The following CHSY1 variants were observed in gnomAD, a reference collection of about 807,000 sequenced individuals.
CHSY1 encodes the protein chondroitin sulfate synthase 1, also known as N-acetylgalactosaminyl-proteoglycan 3-beta-glucuronosyltransferase 1.
Under a neutral mutation model 59.8 loss-of-function variants are expected in CHSY1, and 13 were observed. The observed-to-expected ratio is 0.22, with a 90% CI of 0.14 to 0.35. The LOEUF is 0.35. CHSY1 is among the 10% of genes least tolerant of loss of function. The pLI is 1.00. For missense variants in CHSY1, 947 were observed against 1,030.6 expected, an observed-to-expected ratio of 0.92 and a Z score of 1.11; for synonymous variants, 459 against 401.2, an observed-to-expected ratio of 1.14 and a Z score of -1.72.
chr15:101,205,603 T>C (rs1203095425), intron 2 of CHSY1, among the ~76,000 whole-genome samples: 1 of 152,224 alleles, frequency 6.6e-6, no homozygotes, highest in African/African-American at 2.4e-5. Context: ...CAGCCTGACA[T>C]TTAAACACAC....
rs116460243 is a variant in CHSY1 at position 101,222,507 on chromosome 15, T to C, written c.816+12575A>G. On this transcript the variant is annotated intron_variant, in intron 2 of 2. Transcript: ENST00000254190. The stretch of plus-strand genomic sequence containing the variant: ...ACACTATTACCTAGAGTGCAGACTT[T>C]ATTCAGATTTCACCAGTTTTCCCAC... Among the ~76,000 whole-genome samples, 417 of 152,322 alleles carry C rather than the reference T, an allele frequency of 2.7e-3. 2 individuals carry two copies. The highest frequency in any genetic ancestry group is 9.7e-3 in the African/African-American group (402 of 41,566).
intron 2 of CHSY1, among the ~76,000 whole-genome samples, chr15:101,212,477 G>A (rs1330402198): frequency 1.3e-5 from 2 of 152,214 alleles, no homozygotes; most frequent in African/African-American, 4.8e-5. Flanking sequence ...CTGTATGGAT[G>A]AGCCTCAGAA....
intron 2 of CHSY1, among the ~76,000 whole-genome samples, chr15:101,199,803 G>A (rs565107426): frequency 7.9e-5 from 12 of 152,228 alleles, no homozygotes; most frequent in African/African-American, 2.2e-4. Flanking sequence ...AGTCTACTTC[G>A]GTTTTGTGCA....
At chr15:101,203,082 A>G (rs932821663) in intron 2 of CHSY1, among the ~76,000 whole-genome samples, 1 of 152,258 alleles carries the variant, frequency 6.6e-6, no homozygotes, top group African/African-American at 2.4e-5. Context: ...TAAACAAACA[A>G]GAAAACAACC....
intron 1 of CHSY1, among the ~76,000 whole-genome samples, chr15:101,237,900 G>A (rs1023430245): frequency 1.3e-5 from 2 of 152,154 alleles, no homozygotes; most frequent in African/African-American, 4.8e-5. Context: ...TATTTTACCT[G>A]TTACAAGTGT....
intron 1 of CHSY1, among the ~76,000 whole-genome samples, chr15:101,242,217 GA>G (rs1270803520): frequency 3.9e-5 from 6 of 152,286 alleles, no homozygotes; most frequent in African/African-American, 1.2e-4. Context: ...GCAAGAAAAT[GA>G]GACCAAAGAA....
chr15:101,191,606 G>T (rs2038446320), intron 2 of CHSY1, among the ~76,000 whole-genome samples: 2 of 152,174 alleles, frequency 1.3e-5, no homozygotes, highest in Non-Finnish European at 2.9e-5. Context: ...TTCACCAATT[G>T]TAACAAAGGT....
intron 2 of CHSY1, among the ~76,000 whole-genome samples, chr15:101,225,669 G>A (rs1488114281): frequency 3.9e-5 from 6 of 152,118 alleles, no homozygotes; most frequent in Admixed American, 3.3e-4. Flanking sequence ...CTTCCACCAT[G>A]AGTAAAAGCT....
intron 1 of CHSY1, among the ~76,000 whole-genome samples, chr15:101,249,306 C>A (rs1454283070): frequency 3.3e-5 from 5 of 151,040 alleles, no homozygotes; most frequent in African/African-American, 4.9e-5. Context: ...TAGAGTCATG[C>A]GGATTTACTT....
At chr15:101,218,640 C>T (rs968889976) in intron 2 of CHSY1, among the ~76,000 whole-genome samples, 6 of 152,124 alleles carry the variant, frequency 3.9e-5, no homozygotes, top group African/African-American at 4.8e-5. Flanking sequence ...ACAGGCTGGG[C>T]GTGGTGGCTC....
intron 2 of CHSY1, among the ~76,000 whole-genome samples, chr15:101,182,117 AATC>A: frequency 6.6e-6 from 1 of 152,182 alleles, no homozygotes; most frequent in Non-Finnish European, 1.5e-5. Context: ...TGCAGACCTC[AATC>A]TACAGTACCT....
At chr15:101,241,591 ATTGAGTCG>A (rs1268714927) in intron 1 of CHSY1, among the ~76,000 whole-genome samples, 1 of 152,222 alleles carries the variant, frequency 6.6e-6, no homozygotes, top group Non-Finnish European at 1.5e-5. Flanking sequence ...ATGGAGTAAG[ATTGAGTCG>A]TTTCAATTGT....
intron 2 of CHSY1, among the ~76,000 whole-genome samples, chr15:101,197,005 A>C (rs1260401315): frequency 6.6e-6 from 1 of 152,242 alleles, no homozygotes; most frequent in Non-Finnish European, 1.5e-5. Context: ...TTCTTTGTTT[A>C]CCTACTTCAC....
chr15:101,244,838 C>A (rs145973620), intron 1 of CHSY1, among the ~76,000 whole-genome samples: 22 of 152,324 alleles, frequency 1.4e-4, no homozygotes, highest in East Asian at 1.2e-3. Context: ...TCAGTTAAGT[C>A]AATTTTGGTC....
chr15:101,225,529 A>C (rs2038832888), intron 2 of CHSY1, among the ~76,000 whole-genome samples: 1 of 152,166 alleles, frequency 6.6e-6, no homozygotes, highest in South Asian at 2.1e-4. Flanking sequence ...TGGATCCCTC[A>C]TGAATGGTTT....
In CHSY1 at chr15:101,186,147, C is replaced by CAAAAA. The variant is rs35398576; in HGVS notation, c.817-7172_817-7168dup. ...CAACATGGTGAAACCTTGTCTCTAC[C>CAAAAA]AAAAAAAAAAAAAAAAAAAAAAAAT... On this transcript the variant is annotated intron_variant, in intron 2 of 2. Coordinates refer to ENST00000254190, the MANE Select transcript of CHSY1 (RefSeq NM_014918.5). Among the ~76,000 whole-genome samples, 66 of 79,582 alleles carry CAAAAA rather than the reference C, an allele frequency of 8.3e-4. 2 individuals carry two copies. The East Asian group carries it at 0.021, about 26-fold the overall frequency. 52.2% of individuals were successfully genotyped at this position (79,582 alleles called of 152,430 possible). A position where few individuals can be genotyped will look rare whatever the true frequency, so the allele number is the denominator to read the frequency against.
At position 101,251,267 on chromosome 15, in the gene CHSY1, C is replaced by G. The variant is rs769189425; in HGVS notation, c.190G>C (p.Asp64His). 2 of 1,341,020 alleles carry G rather than the reference C, an allele frequency of 1.5e-6. No homozygotes were observed. The highest frequency in any genetic ancestry group is 3.1e-5 in the African/African-American group (2 of 65,082). 83.1% of individuals were successfully genotyped at this position (1,341,020 alleles called of 1,614,324 possible). ...GGCCAGAGCTGCGCCCCGCGCGCAT[C>G]GCCGCGCGCCCCGCCGGCCTGGGAA... ...AASQAGGARG[D>H]ARGAQLWPPG... Residue 64 changes from aspartate (D) to histidine (H), a missense_variant, in exon 1 of 3, where the codon GAT becomes CAT. Asp to His is a moderately conservative substitution (Grantham distance 81). This residue lies in a region of CHSY1 where 232 missense variants were observed against 188.5 expected (regional missense o/e 1.23). Coordinates refer to ENST00000254190, the MANE Select transcript of CHSY1 (RefSeq NM_014918.5).
At chr15:101,200,274 C>G (rs150191056) in intron 2 of CHSY1, among the ~76,000 whole-genome samples, 87 of 152,262 alleles carry the variant, frequency 5.7e-4, no homozygotes, top group Non-Finnish European at 1.1e-3. Context: ...GACGCCTTTA[C>G]GCAAAAATGC....
At chr15:101,203,626 A>C (rs944633515) in intron 2 of CHSY1, among the ~76,000 whole-genome samples, 7 of 152,200 alleles carry the variant, frequency 4.6e-5, no homozygotes, top group African/African-American at 1.7e-4. Context: ...ACAAAGGCAA[A>C]AGTAGTGATT....
Sources: gnomAD v4.1 joint callset for allele counts (sites outside exome capture counted in the v4.1 genomes callset) on GRCh38, gnomAD v4.1.1 for gene constraint, gnomAD v4.1.1 regional missense constraint, MANE v1.5 for transcripts, NCBI Gene and HGNC (gene_info 2026-07-23, HGNC 2026-07-21) for gene names.